Variants in LPIN3 observed in about 807,000 individuals in gnomAD.
LPIN3 encodes phosphatidate phosphatase LPIN3.
In LPIN3, 82 loss-of-function variants were observed where a neutral mutation model predicts 94.7. That is an observed-to-expected ratio of 0.87 (90% confidence interval 0.72 to 1.04). The LOEUF (loss-of-function observed/expected upper bound fraction) is 1.04. Among genes scored for constraint, LPIN3 ranks in the 50% least tolerant of loss-of-function variants. LPIN3 has a pLI of 0.00. For synonymous variants in LPIN3, 418 were observed against 443.3 expected, an observed-to-expected ratio of 0.94 and a Z score of 0.72; for missense variants, 996 against 1,090.5, an observed-to-expected ratio of 0.91 and a Z score of 1.22.
Position 41,349,046 on chromosome 20 carries a change from G to A in LPIN3, c.558-46G>A, listed in dbSNP as rs140143683. On this transcript the variant is annotated intron_variant, in intron 4 of 19. Coordinates refer to ENST00000373257, the MANE Select transcript of LPIN3 (RefSeq NM_022896.3). ...TGTCCAGGCTCTCATGCCTGCCTGG[G>A]GCATCCTGCCTGATCAGTGACCATT... The A allele has an allele frequency of 2.8e-4, 457 of 1,609,972 alleles. 2 individuals are homozygous for A. In the African/African-American group the frequency reaches 5.6e-3, roughly 20 times the overall value.
intron 11 of LPIN3, 37 bp downstream of exon 11, chr20:41,352,904 G>A: frequency 6.2e-7 from 1 of 1,608,116 alleles, no homozygotes; most frequent in South Asian, 1.1e-5. Flanking sequence ...GCTGGGGAAG[G>A]TAGCCATAGA....
At position 41,356,694 on chromosome 20, in the gene LPIN3, G is replaced by C. The variant is rs373061372; in HGVS notation, c.1804-346G>C. On this transcript the variant is annotated intron_variant, in intron 14 of 19. Coordinates refer to ENST00000373257, the MANE Select transcript of LPIN3 (RefSeq NM_022896.3). ...TCCCCACAGGACCCCCATCTATGGA[G>C]GGGGGTGTTTTCCTGCCAACAGCAG... Among the ~76,000 whole-genome samples the C allele has an allele frequency of 3.5e-4, 54 of 152,318 alleles. 1 individual carries two copies. In the East Asian group the frequency reaches 4.8e-3, roughly 14 times the overall value.
Position 41,357,237 on chromosome 20 carries a change from C to G in LPIN3, c.1952+49C>G, listed in dbSNP as rs200147323. On this transcript the variant is annotated intron_variant, in intron 15 of 19. Transcript: ENST00000373257. ...AGGGGAGGGAGAGGGGTTGTGGACTCGCCTCCCTCTGTGCTGGGTGTGGTG... is the reference window on the plus strand; with the variant it reads ...AGGGGAGGGAGAGGGGTTGTGGACTGGCCTCCCTCTGTGCTGGGTGTGGTG... 1.1e-4 allele frequency: 178 copies of G among 1,609,978 alleles called. 2 individuals are homozygous for G. In the African/African-American group the frequency reaches 2.2e-3, roughly 20 times the overall value.
chr20:41,358,892 CT>C lies in LPIN3; in HGVS notation c.*27del. ...ACCTGCCCTGGCTGGCTCCTCCTCCCTGGCCCGGCCCAGGACTGGCTAGGTG... is the reference window on the plus strand; with the variant it reads ...ACCTGCCCTGGCTGGCTCCTCCTCCCGGCCCGGCCCAGGACTGGCTAGGTG... On this transcript the variant is annotated 3_prime_UTR_variant, in exon 20 of 20. Transcript: ENST00000373257. 1.9e-6 allele frequency: 3 copies of C among 1,612,760 alleles called. No individual in the cohort carries two copies. In the South Asian group the frequency reaches 3.3e-5, roughly 18 times the overall value.
Position 41,348,701 on chromosome 20 carries a change from C to T in LPIN3, c.371C>T (p.Thr124Ile). 2 of 1,614,014 alleles carry T rather than the reference C, an allele frequency of 1.2e-6. No individual in the cohort carries two copies. The highest frequency in any genetic ancestry group is 1.7e-6 in the Non-Finnish European group (2 of 1,179,972). The stretch of plus-strand genomic sequence containing the variant: ...TTCCCCTCGGACTCCCAGCTGGGCA[C>T]TGCCAGTGAGCCTGAGGGCCTCGTC... ...SGFPSDSQLG[T>I]ASEPEGLVMA... is the part of the protein sequence containing the mutation. The change falls in exon 4 of 20, where the codon ACT becomes ATT. Residue 124 changes from threonine (T) to isoleucine (I), a missense_variant. Physicochemically the swap from Thr to Ile is moderately conservative, Grantham distance 89 (BLOSUM62 -1). Coordinates refer to ENST00000373257, the MANE Select transcript of LPIN3 (RefSeq NM_022896.3).
intron 1 of LPIN3, among the ~76,000 whole-genome samples, chr20:41,341,636 G>A (rs1018453487): frequency 3.9e-5 from 6 of 152,204 alleles, no homozygotes; most frequent in African/African-American, 1.4e-4. Context: ...GCACATGCTC[G>A]TTTTGCAAAT....
rs202042377 is a variant in LPIN3 at position 41,355,854 on chromosome 20, T to C, written c.1665-42T>C. On this transcript the variant is annotated intron_variant, in intron 13 of 19. Coordinates refer to ENST00000373257, the MANE Select transcript of LPIN3 (RefSeq NM_022896.3). ...TGGCATCTCCCGGGAGTGAAGGCCC[T>C]TTGGCTGGAGGAGATGGCCTGAGAG... 4.4e-6 allele frequency: 7 copies of C among 1,608,720 alleles called. No individual in the cohort carries two copies. In the East Asian group the frequency reaches 1.1e-4, roughly 26 times the overall value.
intron 5 of LPIN3, 150 bp from the exon 6 acceptor site, chr20:41,349,624 G>T: frequency 3.3e-6 from 3 of 898,552 alleles, no homozygotes; most frequent in East Asian, 3.1e-5. Context: ...TCATATATTT[G>T]TATACTCTTT....
At chr20:41,354,967 G>C in intron 13 of LPIN3, 104 bp downstream of exon 13, 1 of 1,166,372 alleles carries the variant, frequency 8.6e-7, no homozygotes, top group Non-Finnish European at 1.2e-6. Flanking sequence ...CTCCAGCTGT[G>C]GGTTTTTTTT....
chr20:41,344,740 G>T (rs1437526096), intron 1 of LPIN3, among the ~76,000 whole-genome samples: 2 of 152,208 alleles, frequency 1.3e-5, no homozygotes, highest in African/African-American at 2.4e-5. Context: ...GTCTGGCTGG[G>T]GGAGGGAGCA....
In LPIN3 at chr20:41,357,855, C is replaced by G. The variant is rs779429574; in HGVS notation, c.2040-27C>G. The G allele has an allele frequency of 3.1e-6, 5 of 1,613,386 alleles. No individual in the cohort carries two copies. In the African/African-American group the frequency reaches 4.0e-5, roughly 13 times the overall value. On this transcript the variant is annotated intron_variant, in intron 16 of 19. Transcript: ENST00000373257. ...GGGGGCTGGCTGGTCTCTGATGGCT[C>G]TATGCCACCCTGTCCCCCACTCTCA...
rs1389713877 is a variant in LPIN3 at position 41,348,793 on chromosome 20, G to A, written c.463G>A (p.Asp155Asn). The change falls in exon 4 of 20, where the codon GAT becomes AAT. Residue 155 changes from aspartate (D) to asparagine (N), a missense_variant. Transcript: ENST00000373257. ...CAGGAGGAAACCCAAGCAGAAAGAG[G>A]ATGCAGTGGCAACTGATTCTAGTCC... is the stretch of plus-strand genomic sequence containing the variant. ...RRRRKPKQKE[D>N]AVATDSSPEE... is the part of the protein sequence containing the mutation. The A allele has an allele frequency of 1.9e-6, 3 of 1,612,380 alleles. No homozygotes were observed. The highest frequency in any genetic ancestry group is 3.3e-5 in the Admixed American group (2 of 59,730).
intron 14 of LPIN3, 113 bp from the exon 15 acceptor site, chr20:41,356,927 G>A: frequency 1.6e-6 from 2 of 1,239,880 alleles, no homozygotes; most frequent in South Asian, 2.8e-5. Context: ...TCTGAGCTGG[G>A]AGGAAGAGGA....
At chr20:41,341,296 A>G (rs2045569846) in intron 1 of LPIN3, among the ~76,000 whole-genome samples, 1 of 152,198 alleles carries the variant, frequency 6.6e-6, no homozygotes, top group Non-Finnish European at 1.5e-5. Flanking sequence ...TGAGGAGGAC[A>G]GCCACTTTCT....
chr20:41,347,232 G>T (rs1373399829), intron 2 of LPIN3, among the ~76,000 whole-genome samples: 1 of 152,230 alleles, frequency 6.6e-6, no homozygotes, highest in Non-Finnish European at 1.5e-5. Context: ...GGATGTGAGA[G>T]ACAGAGGGAA....
Position 41,357,420 on chromosome 20 carries a change from T to C in LPIN3, c.2012T>C (p.Ile671Thr), listed in dbSNP as rs1360791096. The C allele has an allele frequency of 1.9e-6, 3 of 1,613,882 alleles. 1 individual carries two copies. Among genetic ancestry groups the C allele is most frequent in the South Asian group, 2.2e-5 (2 of 91,076 alleles). ...QLGKDWTHQG[I>T]TSLYHKIQLN... is the part of the protein sequence containing the mutation. Reference sequence around the variant, plus strand: ...GGGAAAGACTGGACACACCAGGGCATCACCAGTCTCTATCACAAAATCCAA... The same window carrying C: ...GGGAAAGACTGGACACACCAGGGCACCACCAGTCTCTATCACAAAATCCAA... The change falls in exon 16 of 20, where the codon ATC becomes ACC. Residue 671 changes from isoleucine (I) to threonine (T), a missense_variant. Physicochemically the swap from Ile to Thr is moderately conservative, Grantham distance 89. Transcript: ENST00000373257.
intron 13 of LPIN3, 105 bp downstream of exon 13, chr20:41,354,968 G>GT: frequency 1.7e-6 from 2 of 1,169,718 alleles, no homozygotes; most frequent in Non-Finnish European, 1.2e-6. Context: ...TCCAGCTGTG[G>GT]GTTTTTTTTT....
chr20:41,354,923 G>A (rs550021668), intron 13 of LPIN3, 60 bp downstream of exon 13: 8 of 1,512,410 alleles, frequency 5.3e-6, no homozygotes, highest in South Asian at 1.2e-5. Flanking sequence ...GGCCCTGGGT[G>A]CAGGTGGGTG....
In LPIN3 at chr20:41,346,179, AG is replaced by A. The variant is rs1186894153; in HGVS notation, c.192+187del. Among the ~76,000 whole-genome samples, 61 of 152,158 alleles carry A rather than the reference AG, an allele frequency of 4.0e-4. 1 individual carries two copies. Among genetic ancestry groups the A allele is most frequent in the African/African-American group, 1.4e-3 (58 of 41,496 alleles). ...GTTGATTTGGGGGTTTTGGTCTGGG[AG>A]GGTTCACAGTTAGTTTCTCATGGAA... is the stretch of plus-strand genomic sequence containing the variant. On this transcript the variant is annotated intron_variant, in intron 2 of 19. Coordinates refer to ENST00000373257, the MANE Select transcript of LPIN3 (RefSeq NM_022896.3).
Sources: gnomAD v4.1 joint callset for allele counts (sites outside exome capture counted in the v4.1 genomes callset) on GRCh38, gnomAD v4.1.1 for gene constraint, MANE v1.5 for transcripts, NCBI Gene and HGNC (gene_info 2026-07-23, HGNC 2026-07-21) for gene names.